COL18A1: variants seen among roughly 807,000 people sequenced by gnomAD.
COL18A1 encodes collagen alpha-1(XVIII) chain.
A neutral mutation model predicts 168.0 loss-of-function variants in COL18A1; 133 were observed. The ratio of observed to expected loss-of-function variants is 0.79; its 90% CI spans 0.69 to 0.91. The LOEUF is 0.91. Ranked by LOEUF, COL18A1 falls within the 40% of genes least tolerant of loss-of-function variation. The pLI is 0.00. For missense variants in COL18A1, 2,126 were observed against 1,925.4 expected, an observed-to-expected ratio of 1.10 and a Z score of -1.95; for synonymous variants, 949 against 809.0, an observed-to-expected ratio of 1.17 and a Z score of -2.94.
At chr21:45,407,907 C>T (rs2036955151) in intron 2 of COL18A1, 1 of 152,300 alleles carries the variant, frequency 6.6e-6, no homozygotes, top group Admixed American at 6.5e-5. Context: ...GATTGGGCTT[C>T]AGTGACCTGG....
At chr21:45,449,083 C>T (rs558913944) in intron 2 of COL18A1, among the ~76,000 whole-genome samples, 7 of 152,324 alleles carry the variant, frequency 4.6e-5, no homozygotes, top group South Asian at 4.1e-4. Context: ...CTTTTCCCTG[C>T]GGCGCTTTGA....
rs142062293 is a variant in COL18A1 at position 45,483,469 on chromosome 21, C to G, written c.1701+648C>G. The stretch of plus-strand genomic sequence containing the variant: ...ACCAGACAATTTATCTGACACCCCC[C>G]CAACGACCCACTTCCTCCTTCTGTT... On this transcript the variant is annotated intron_variant, in intron 15 of 41. Transcript: ENST00000651438. 3.3e-3 allele frequency among the ~76,000 whole-genome samples: 503 copies of G among 152,172 alleles called. 4 individuals carry two copies. The highest frequency in any genetic ancestry group is 0.012 in the South Asian group (59 of 4,812).
chr21:45,470,219 T>TGTTA (rs10650433), intron 3 of COL18A1, among the ~76,000 whole-genome samples: 32,640 of 152,050 alleles, frequency 0.21, 4,731 homozygotes, highest in African/African-American at 0.41. Context: ...TTTCTTGGAC[T>TGTTA]GTGAAGATAG....
chr21:45,493,713 C>T (rs1271153623), intron 26 of COL18A1, 138 bp downstream of exon 26: 4 of 664,388 alleles, frequency 6.0e-6, no homozygotes, highest in Admixed American at 2.7e-5. Flanking sequence ...CCAGGCCTGG[C>T]CCTGGTGGCC....
chr21:45,472,246 C>T (rs555734177), intron 3 of COL18A1, among the ~76,000 whole-genome samples: 167 of 149,916 alleles, frequency 1.1e-3, no homozygotes, highest in African/African-American at 3.8e-3. Flanking sequence ...TTTTTTGAGA[C>T]GGAGTCTCGC....
At position 45,452,905 on chromosome 21, in the gene COL18A1, A is replaced by G. The variant is rs147654687; in HGVS notation, c.107-15337A>G. Among the ~76,000 whole-genome samples the G allele has an allele frequency of 2.5e-3, 384 of 151,688 alleles. 2 individuals carry two copies. The highest frequency in any genetic ancestry group is 4.2e-3 in the South Asian group (20 of 4,806). On this transcript the variant is annotated intron_variant, in intron 2 of 41. Transcript: ENST00000651438. ...ATTCACATGTGACATGTGAGCATGT[A>G]TGTACATGTGTGTGAGTATTCACAT...
At chr21:45,428,889 G>T (rs1187617251) in intron 2 of COL18A1, among the ~76,000 whole-genome samples, 9 of 150,484 alleles carry the variant, frequency 6.0e-5, no homozygotes, top group African/African-American at 9.8e-5. Context: ...ACTATAGCTT[G>T]CTTTCTTTCT....
chr21:45,428,834 G>A (rs1277990050), intron 2 of COL18A1, among the ~76,000 whole-genome samples: 1 of 151,936 alleles, frequency 6.6e-6, no homozygotes. Context: ...GATTCTCTAC[G>A]TTTTAAAGCA....
chr21:45,433,336 T>C (rs1005329623), intron 2 of COL18A1, among the ~76,000 whole-genome samples: 6 of 152,250 alleles, frequency 3.9e-5, no homozygotes, highest in Non-Finnish European at 8.8e-5. Context: ...TTGAGGTTGC[T>C]AGTACCCATT....
chr21:45,452,127 A>G (rs971397318), intron 2 of COL18A1, among the ~76,000 whole-genome samples: 1 of 152,252 alleles, frequency 6.6e-6, no homozygotes, highest in Non-Finnish European at 1.5e-5. Flanking sequence ...CGCACTGCTC[A>G]TGGTGCCATC....
At chr21:45,492,401 C>A in intron 22 of COL18A1, 134 bp from the exon 23 acceptor site, 1 of 1,093,730 alleles carries the variant, frequency 9.1e-7, no homozygotes, top group Non-Finnish European at 1.4e-6. Context: ...ATGCCCCAGG[C>A]CCAGGAAGAC....
intron 7 of COL18A1, 120 bp from the exon 8 acceptor site, chr21:45,477,630 C>T (rs1289112074): frequency 1.6e-6 from 2 of 1,250,978 alleles, no homozygotes; most frequent in Non-Finnish European, 2.3e-6. Context: ...CATGCGTCCA[C>T]CCTGCGTGTC....
rs556144993 is a variant in COL18A1 at position 45,417,829 on chromosome 21, C to T, written c.106+12356C>T. Among the ~76,000 whole-genome samples the T allele has an allele frequency of 1.2e-4, 18 of 152,350 alleles. No homozygotes were observed. In the South Asian group the frequency reaches 1.4e-3, roughly 12 times the overall value. ...GAAGGAGGTGCTGCTCTGTGGAAAA[C>T]GCTAAGGGTGGGGAGAATTGCACCG... is the stretch of plus-strand genomic sequence containing the variant. On this transcript the variant is annotated intron_variant, in intron 2 of 41. Transcript: ENST00000651438.
intron 3 of COL18A1, among the ~76,000 whole-genome samples, chr21:45,470,731 C>A (rs1376469890): frequency 6.6e-6 from 1 of 152,154 alleles, no homozygotes; most frequent in African/African-American, 2.4e-5. Flanking sequence ...AGGTGATCCA[C>A]CCGCCTAAGC....
At position 45,501,695 on chromosome 21, in the gene COL18A1, G is replaced by A. The variant is rs931773310; in HGVS notation, c.2684-2316G>A. On this transcript the variant is annotated intron_variant, in intron 32 of 41. Coordinates refer to ENST00000651438, the MANE Select transcript of COL18A1 (RefSeq NM_001379500.1). Reference sequence around the variant, plus strand: ...TCCCTCTGCAGAAGGACCCCCAGGGGCTCCACAGCCGGTCACCTCCCTCTG... The same window carrying A: ...TCCCTCTGCAGAAGGACCCCCAGGGACTCCACAGCCGGTCACCTCCCTCTG... Among the ~76,000 whole-genome samples the A allele has an allele frequency of 4.1e-5, 6 of 147,068 alleles. 1 individual carries two copies. The highest frequency in any genetic ancestry group is 4.0e-4 in the Admixed American group (6 of 14,848).
chr21:45,412,038 C>T (rs1052143437), intron 2 of COL18A1, among the ~76,000 whole-genome samples: 16 of 152,038 alleles, frequency 1.1e-4, no homozygotes, highest in Admixed American at 1.3e-4. Context: ...AACTTTTTCA[C>T]GCACTAAGGG....
chr21:45,431,590 G>T (rs533507768), intron 2 of COL18A1, among the ~76,000 whole-genome samples: 1 of 151,878 alleles, frequency 6.6e-6, no homozygotes, highest in African/African-American at 2.4e-5. Context: ...GGGGTCAGGG[G>T]TGGAGGCCAG....
chr21:45,458,846 C>T (rs1442473618), intron 2 of COL18A1, among the ~76,000 whole-genome samples: 1 of 152,196 alleles, frequency 6.6e-6, no homozygotes, highest in Non-Finnish European at 1.5e-5. Context: ...CAGCTGAGCA[C>T]TGTGAGCAAG....
intron 40 of COL18A1, 21 bp from the exon 41 acceptor site, chr21:45,511,073 CACACACCACACACACAT>C: frequency 2.2e-6 from 2 of 900,438 alleles, no homozygotes. Flanking sequence ...TCCACACCCC[CACACACCACACACACAT>C]ACACACGGTT....
Sources: gnomAD v4.1 joint callset for allele counts (sites outside exome capture counted in the v4.1 genomes callset) on GRCh38, gnomAD v4.1.1 for gene constraint, MANE v1.5 for transcripts, NCBI Gene and HGNC (gene_info 2026-07-23, HGNC 2026-07-21) for gene names.